The following ZBTB38 variants were observed in gnomAD, a reference collection of about 807,000 sequenced individuals.
ZBTB38 encodes the protein zinc finger and BTB domain containing 38.
A neutral mutation model predicts 76.8 loss-of-function variants in ZBTB38; 20 were observed. The observed-to-expected ratio is 0.26, with a 90% CI of 0.18 to 0.38. The LOEUF (loss-of-function observed/expected upper bound fraction) is 0.38, where lower values mean the gene tolerates loss of function less well. Ranked by LOEUF, ZBTB38 falls within the 10% of genes least tolerant of loss-of-function variation. The pLI is 1.00. For synonymous variants in ZBTB38, 504 were observed against 544.2 expected, an observed-to-expected ratio of 0.93 and a Z score of 1.03; for missense variants, 1,082 against 1,482.3, an observed-to-expected ratio of 0.73 and a Z score of 4.43.
At chr3:141,378,135 G>A (rs1381892010) in intron 2 of ZBTB38, among the ~76,000 whole-genome samples, 2 of 150,766 alleles carry the variant, frequency 1.3e-5, no homozygotes, top group Admixed American at 6.6e-5. Context: ...CCATGATTTT[G>A]CCATTGCACC....
At chr3:141,343,595 C>T (rs1204337305) in intron 1 of ZBTB38, among the ~76,000 whole-genome samples, 2 of 152,134 alleles carry the variant, frequency 1.3e-5, no homozygotes, top group Admixed American at 6.5e-5. Context: ...TGATCTATAC[C>T]AGCAGAGGTA....
At chr3:141,375,592 C>T (rs1040288238) in intron 2 of ZBTB38, among the ~76,000 whole-genome samples, 3 of 152,208 alleles carry the variant, frequency 2.0e-5, no homozygotes, top group Non-Finnish European at 4.4e-5. Flanking sequence ...AGAGGGCAGC[C>T]GTGCAGGCAG....
At chr3:141,375,802 C>T (rs867300421) in intron 2 of ZBTB38, among the ~76,000 whole-genome samples, 9 of 152,282 alleles carry the variant, frequency 5.9e-5, no homozygotes, top group Middle Eastern at 3.4e-3. Flanking sequence ...GATGGAGTCC[C>T]ACTGTGTGAC....
chr3:141,395,241 A>G (rs1950081434), intron 4 of ZBTB38, among the ~76,000 whole-genome samples: 1 of 152,240 alleles, frequency 6.6e-6, no homozygotes. Context: ...AACATAATAC[A>G]AAAAGCAGAT....
intron 5 of ZBTB38, among the ~76,000 whole-genome samples, chr3:141,424,901 A>C (rs2076109151): frequency 6.6e-6 from 1 of 152,258 alleles, no homozygotes; most frequent in South Asian, 2.1e-4. Flanking sequence ...AATTGGTAAT[A>C]GTAATAATAA....
At chr3:141,346,904 C>G (rs1943380030) in intron 1 of ZBTB38, among the ~76,000 whole-genome samples, 1 of 151,764 alleles carries the variant, frequency 6.6e-6, no homozygotes, top group African/African-American at 2.4e-5. Flanking sequence ...GCACTGTCTA[C>G]TACGAATGTT....
rs563390694 is a variant in ZBTB38, at chr3:141,436,624, A to C, written c.1-5765A>C. 9.9e-5 allele frequency among the ~76,000 whole-genome samples: 15 copies of C among 152,176 alleles called. No individual in the cohort carries two copies. The East Asian group carries it at 2.9e-3, about 29-fold the overall frequency. On this transcript the variant is annotated intron_variant, in intron 5 of 5. Coordinates refer to ENST00000321464, the MANE Select transcript of ZBTB38 (RefSeq NM_001376113.1). ...GCGATTCTCCTTCCTCAGCCTCCCG[A>C]GTAGCTGGGACTACAGGCACTCACC...
chr3:141,445,021 G>C lies in ZBTB38; in HGVS notation c.2633G>C (p.Gly878Ala). ...ATGCAGGAGGAGCCTTTGCCACAGGGGAATGACCCAGAACCCAGTGGAGAC... is the reference window on the plus strand; with the variant it reads ...ATGCAGGAGGAGCCTTTGCCACAGGCGAATGACCCAGAACCCAGTGGAGAC... ...YQMQEEPLPQ[G>A]NDPEPSGDSP... The change falls in exon 6 of 6, where the codon GGG becomes GCG. Residue 878 changes from glycine to alanine, a missense_variant. Coordinates refer to ENST00000321464, the MANE Select transcript of ZBTB38 (RefSeq NM_001376113.1). The surrounding 1 kb of genome is among the most constrained non-coding windows in gnomAD (Gnocchi z 6.5). 6.2e-7 allele frequency: 1 copy of C among 1,614,180 alleles called. No homozygotes were observed. Among genetic ancestry groups the C allele is most frequent in the Non-Finnish European group, 8.5e-7 (1 of 1,180,022 alleles).
chr3:141,369,331 C>G (rs949925547), intron 1 of ZBTB38, among the ~76,000 whole-genome samples: 3 of 152,182 alleles, frequency 2.0e-5, no homozygotes, highest in African/African-American at 7.2e-5. Flanking sequence ...TCTGATTGTT[C>G]TGTGTATGAA....
chr3:141,350,954 C>A (rs1054982675), intron 1 of ZBTB38, among the ~76,000 whole-genome samples: 1 of 152,152 alleles, frequency 6.6e-6, no homozygotes, highest in Non-Finnish European at 1.5e-5. Context: ...AGGTAAGAAA[C>A]GATTGCCTTT....
In ZBTB38 at chr3:141,347,844, G is replaced by T. The variant is rs138164824; in HGVS notation, c.-738-20777G>T. Among the ~76,000 whole-genome samples, 659 of 152,328 alleles carry T rather than the reference G, an allele frequency of 4.3e-3. 7 individuals carry two copies. The highest frequency in any genetic ancestry group is 3.9e-3 in the Non-Finnish European group (266 of 68,034). ...AATGGTTCCTTCAGTCCAGGATTGG[G>T]AGTGACTTCCTGCTGTCACTATTCT... On this transcript the variant is annotated intron_variant, in intron 1 of 7. Coordinates refer to the ZBTB38 transcript ENST00000509842.
intron 1 of ZBTB38, among the ~76,000 whole-genome samples, chr3:141,342,943 T>A (rs1025216241): frequency 2.0e-5 from 3 of 151,996 alleles, no homozygotes; most frequent in African/African-American, 7.3e-5. Flanking sequence ...GAAAACTGAA[T>A]GAGCACGAAC....
chr3:141,398,216 G>A (rs1950798856), intron 4 of ZBTB38, among the ~76,000 whole-genome samples: 1 of 151,944 alleles, frequency 6.6e-6, no homozygotes, highest in Middle Eastern at 3.4e-3. Context: ...TGTAAACTGG[G>A]GCCCTATTGG....
Position 141,424,167 on chromosome 3 carries a change from A to C in ZBTB38, c.1-18222A>C, listed in dbSNP as rs189090528. On this transcript the variant is annotated intron_variant, in intron 5 of 5. Transcript: ENST00000321464. ...ATTTATCTTAAACACCTTCCTTTCT[A>C]CCAAGCTTTTTACTGGAACAGGTAA... 2.6e-5 allele frequency among the ~76,000 whole-genome samples: 4 copies of C among 152,346 alleles called. No homozygotes were observed. In the East Asian group the frequency reaches 5.8e-4, roughly 22 times the overall value.
At chr3:141,370,277 C>A (rs549902996) in intron 2 of ZBTB38, among the ~76,000 whole-genome samples, 1 of 152,176 alleles carries the variant, frequency 6.6e-6, no homozygotes, top group African/African-American at 2.4e-5. Flanking sequence ...AGGGGTGTCT[C>A]CACTCCTCAG....
At chr3:141,379,171 C>G (rs905470697) in intron 2 of ZBTB38, among the ~76,000 whole-genome samples, 6 of 152,126 alleles carry the variant, frequency 3.9e-5, no homozygotes, top group African/African-American at 1.4e-4. Flanking sequence ...TTTTGCCAGA[C>G]TTGGCCCTGG....
intron 1 of ZBTB38, among the ~76,000 whole-genome samples, chr3:141,331,366 G>A (rs571320498): frequency 1.4e-4 from 21 of 152,190 alleles, no homozygotes; most frequent in Non-Finnish European, 2.8e-4. Context: ...TTATGTAGGA[G>A]AGAGAGACAG....
intron 5 of ZBTB38, among the ~76,000 whole-genome samples, chr3:141,433,279 ATTAT>A (rs920616999): frequency 2.0e-5 from 3 of 151,594 alleles, no homozygotes; most frequent in African/African-American, 7.3e-5. Context: ...TCTTAGAAAA[ATTAT>A]TTAATTAAGA....
chr3:141,417,164 A>G (rs985684089), intron 5 of ZBTB38, among the ~76,000 whole-genome samples: 2 of 152,156 alleles, frequency 1.3e-5, no homozygotes, highest in Non-Finnish European at 2.9e-5. Context: ...ACCAGCATCC[A>G]TTGTTCATGC....
Sources: gnomAD v4.1 joint callset for allele counts (sites outside exome capture counted in the v4.1 genomes callset) on GRCh38, gnomAD v4.1.1 for gene constraint, Gnocchi (gnomAD v3.1) non-coding constraint, MANE v1.5 for transcripts, NCBI Gene and HGNC (gene_info 2026-07-23, HGNC 2026-07-21) for gene names.